SERPINA3: variants seen among roughly 807,000 people sequenced by gnomAD.
SERPINA3 encodes the protein alpha-1-antichymotrypsin.
Under a neutral mutation model 26.8 loss-of-function variants are expected in SERPINA3, and 32 were observed. The observed-to-expected ratio is 1.20, with a 90% CI of 0.90 to 1.61. The LOEUF is 1.61. SERPINA3 is among the 40% of genes most tolerant of loss of function. The pLI, the probability that SERPINA3 is intolerant of heterozygous loss-of-function variation, is 0.00. For missense variants in SERPINA3, 632 were observed against 517.9 expected (o/e 1.22, Z -2.14); for synonymous variants, 252 against 206.4 (o/e 1.22, Z -1.89).
chr14:94,618,193 CT>C (rs1886069516), intron 2 of SERPINA3: 1 of 152,124 alleles, frequency 6.6e-6, no homozygotes, highest in Non-Finnish European at 1.5e-5. Context: ...CATTTTCATC[CT>C]TATTCCTTTT....
intron 3 of SERPINA3, among the ~76,000 whole-genome samples, chr14:94,621,210 C>G (rs928685850): frequency 6.6e-6 from 1 of 152,142 alleles, no homozygotes; most frequent in Non-Finnish European, 1.5e-5. Flanking sequence ...CTACCCAACC[C>G]ATCCGTTTAC....
chr14:94,617,545 G>A (rs919220021), intron 2 of SERPINA3: 3 of 152,208 alleles, frequency 2.0e-5, no homozygotes, highest in Non-Finnish European at 4.4e-5. Context: ...GCAATACCTC[G>A]TTTAATTCTC....
rs766029669 is a variant in SERPINA3, at chr14:94,619,154, C to T, written c.644-41C>T. The T allele has an allele frequency of 1.9e-6, 3 of 1,613,538 alleles. No individual in the cohort carries two copies. In the African/African-American group the frequency reaches 4.0e-5, roughly 22 times the overall value. On this transcript the variant is annotated intron_variant, in intron 2 of 4. Transcript: ENST00000393078. ...GGAAGCAGGGTCGAGCAGGGCGACC[C>T]TTGCACTCACACCTTCTCCAACTGC...
rs1428678227 is a variant in SERPINA3, at chr14:94,615,056, G to C, written c.615G>C (p.Met205Ile). The C allele has an allele frequency of 1.9e-6, 3 of 1,614,108 alleles. No homozygotes were observed. The South Asian group carries it at 3.3e-5, about 18-fold the overall frequency. ...LIKDLDSQTM[M>I]VLVNYIFFKA... Reference sequence around the variant, plus strand: ...AGGACCTTGACTCGCAGACAATGATGGTCCTGGTGAATTACATCTTCTTTA... The same window carrying C: ...AGGACCTTGACTCGCAGACAATGATCGTCCTGGTGAATTACATCTTCTTTA... Residue 205 changes from methionine to isoleucine, a missense_variant, in exon 2 of 5, where the codon ATG becomes ATC. By Grantham distance (10) the Met-to-Ile change is conservative. Coordinates refer to ENST00000393078, the MANE Select transcript of SERPINA3 (RefSeq NM_001085.5).
chr14:94,623,636 TA>T lies in SERPINA3; in HGVS notation c.1095del (p.Phe366LeufsTer21), dbSNP rs777004463. The T allele has an allele frequency of 1.9e-6, 3 of 1,614,164 alleles. No individual in the cohort carries two copies. The highest frequency in any genetic ancestry group is 2.5e-6 in the Non-Finnish European group (3 of 1,180,024). On this transcript the variant is annotated frameshift_variant, in exon 5 of 5. Coordinates refer to ENST00000393078, the MANE Select transcript of SERPINA3 (RefSeq NM_001085.5). LOFTEE classifies it low-confidence loss of function (END_TRUNC). ...SQVVHKAVLDVFEEGTEASAA... is the reference protein window; with the variant it reads ...SQVVHKAVLDXFEEGTEASAA... ...GTGGTCCATAAGGCTGTGCTTGATG[TA>T]TTTGAGGAGGGCACAGAAGCATCTG...
intron 4 of SERPINA3, chr14:94,622,717 G>A (rs1391831267): frequency 4.7e-5 from 28 of 592,118 alleles, no homozygotes; most frequent in Non-Finnish European, 2.1e-5. Flanking sequence ...ATCCAGGCTT[G>A]GAATCAGAGA....
At chr14:94,619,132 A>G in intron 2 of SERPINA3, 63 bp from the exon 3 acceptor site, 1 of 1,592,346 alleles carries the variant, frequency 6.3e-7, no homozygotes, top group Non-Finnish European at 8.6e-7. Context: ...CTGCTGCGGA[A>G]GCAGGGTCGA....
chr14:94,616,217 A>G (rs1273041745), intron 2 of SERPINA3, among the ~76,000 whole-genome samples: 2 of 152,134 alleles, frequency 1.3e-5, no homozygotes, highest in African/African-American at 4.8e-5. Context: ...GCCTCTAACA[A>G]TGGGAAACAG....
In SERPINA3 at chr14:94,614,609, C is replaced by T. The variant is rs748220497; in HGVS notation, c.168C>T (p.Phe56=). ...DLGLASANVD[F]AFSLYKQLVL... ...GATTAGCCTCCGCCAACGTGGACTT[C>T]GCTTTCAGCCTGTACAAGCAGTTAG... The change falls in exon 2 of 5, where the codon TTC becomes TTT. Residue 56 remains phenylalanine, a synonymous_variant. Transcript: ENST00000393078. 6.8e-6 allele frequency: 11 copies of T among 1,613,994 alleles called. No individual in the cohort carries two copies. The highest frequency in any genetic ancestry group is 2.2e-5 in the East Asian group (1 of 44,878).
At chr14:94,620,230 CA>C (rs1355502778) in intron 3 of SERPINA3, among the ~76,000 whole-genome samples, 3 of 152,106 alleles carry the variant, frequency 2.0e-5, no homozygotes, top group Non-Finnish European at 4.4e-5. Flanking sequence ...GCATTCCTGG[CA>C]GAGGGAACAG....
chr14:94,618,936 C>T (rs578168899), intron 2 of SERPINA3: 22 of 567,712 alleles, frequency 3.9e-5, no homozygotes, highest in African/African-American at 2.4e-4. Context: ...TTCTCTCTTG[C>T]ACTCCTTATT....
chr14:94,622,742 TCCACACTATA>T, intron 4 of SERPINA3: 1 of 556,232 alleles, frequency 1.8e-6, no homozygotes, highest in Non-Finnish European at 3.3e-6. Flanking sequence ...TGGACACCAT[TCCACACTATA>T]CCATTTACTA....
rs764071553 is a variant in SERPINA3 at position 94,615,108 on chromosome 14, C to T, written c.643+24C>T. The T allele has an allele frequency of 1.9e-6, 3 of 1,612,178 alleles. No individual in the cohort carries two copies. In the Admixed American group the frequency reaches 5.0e-5, roughly 27 times the overall value. ...AGGTGAGTGTGCCTGGCTTGGGGTT[C>T]AGAAGAGGTGGATCTCAGGGCCATT... On this transcript the variant is annotated intron_variant, in intron 2 of 4. Coordinates refer to ENST00000393078, the MANE Select transcript of SERPINA3 (RefSeq NM_001085.5).
At chr14:94,623,048 C>A (rs1886265280) in intron 4 of SERPINA3, among the ~76,000 whole-genome samples, 1 of 152,194 alleles carries the variant, frequency 6.6e-6, no homozygotes, top group African/African-American at 2.4e-5. Context: ...TTGAGGTCTG[C>A]ACTCCACCTT....
chr14:94,623,887 C>A lies in SERPINA3; in HGVS notation c.*73C>A. ...AGCTGGATGCCTGGGTCTCTGGGCA[C>A]AGCCTGGCCCCTGTGCACCGAGTGG... On this transcript the variant is annotated 3_prime_UTR_variant, in exon 5 of 5. Transcript: ENST00000393078. The A allele has an allele frequency of 7.5e-7, 1 of 1,330,698 alleles. No individual in the cohort carries two copies. The highest frequency in any genetic ancestry group is 1.1e-6 in the Non-Finnish European group (1 of 928,852). 82.4% of individuals were successfully genotyped at this position (1,330,698 alleles called of 1,614,324 possible).
intron 3 of SERPINA3, 198 bp downstream of exon 3, chr14:94,619,666 A>G (rs1157382217): frequency 1.1e-5 from 7 of 641,180 alleles, no homozygotes; most frequent in African/African-American, 5.4e-5. Context: ...AGACAGGACA[A>G]GGGGCTGAGG....
At chr14:94,620,686 G>T (rs1231227195) in intron 3 of SERPINA3, among the ~76,000 whole-genome samples, 1 of 152,226 alleles carries the variant, frequency 6.6e-6, no homozygotes, top group African/African-American at 2.4e-5. Flanking sequence ...GATCCAGGAG[G>T]GAGCCATGCA....
At chr14:94,618,968 C>T (rs1034328732) in intron 2 of SERPINA3, 5 of 602,564 alleles carry the variant, frequency 8.3e-6, no homozygotes, top group East Asian at 2.8e-5. Context: ...ATTGATTTCT[C>T]ATTTAGCACA....
In SERPINA3 at chr14:94,623,607, A is replaced by G. The variant is rs762846918; in HGVS notation, c.1069-4A>G. 11 of 1,613,780 alleles carry G rather than the reference A, an allele frequency of 6.8e-6. No homozygotes were observed. Among genetic ancestry groups the G allele is most frequent in the Non-Finnish European group, 9.3e-6 (11 of 1,179,956 alleles). ...CCGTGTGTAATGTTCTGCTGTCCCC[A>G]CAGGTGGTCCATAAGGCTGTGCTTG... On this transcript the variant is annotated splice_polypyrimidine_tract_variant and splice_region_variant and intron_variant, in intron 4 of 4. Coordinates refer to ENST00000393078, the MANE Select transcript of SERPINA3 (RefSeq NM_001085.5).
Sources: gnomAD v4.1 joint callset for allele counts (sites outside exome capture counted in the v4.1 genomes callset) on GRCh38, gnomAD v4.1.1 for gene constraint, MANE v1.5 for transcripts, NCBI Gene and HGNC (gene_info 2026-07-23, HGNC 2026-07-21) for gene names.